The following SOX5 variants were observed in gnomAD, a reference collection of about 807,000 sequenced individuals.
SOX5 encodes the protein transcription factor SOX-5.
SOX5 carries 9 observed loss-of-function variants against 92.0 expected under a neutral mutation model. The observed-to-expected ratio is 0.10, with a 90% confidence interval of 0.06 to 0.17. The LOEUF (loss-of-function observed/expected upper bound fraction) is 0.17, where lower values mean the gene tolerates loss of function less well. Ranked by LOEUF, SOX5 falls within the 10% of genes least tolerant of loss-of-function variation. The pLI is 1.00. For missense variants in SOX5, 642 were observed against 944.5 expected (o/e 0.68, Z 4.20); for synonymous variants, 344 against 336.3 (o/e 1.02, Z -0.25).
At chr12:23,548,931 T>A (rs1192225626) in intron 11 of SOX5, among the ~76,000 whole-genome samples, 1 of 151,968 alleles carries the variant, frequency 6.6e-6, no homozygotes, top group Non-Finnish European at 1.5e-5. Flanking sequence ...CCAAATGTTA[T>A]AAAGCAGAAG....
At chr12:24,471,153 T>A (rs1433760810) in intron 1 of SOX5, among the ~76,000 whole-genome samples, 2 of 152,160 alleles carry the variant, frequency 1.3e-5, no homozygotes, top group Non-Finnish European at 2.9e-5. Flanking sequence ...TTCATAAAGT[T>A]TCTACACATC....
intron 3 of SOX5, among the ~76,000 whole-genome samples, chr12:23,807,883 A>G (rs1438702048): frequency 6.6e-6 from 1 of 151,898 alleles, no homozygotes; most frequent in East Asian, 1.9e-4. Flanking sequence ...CTTGACCTCA[A>G]GTGATCTGCC....
At chr12:23,891,451 A>G (rs1276870239) in intron 2 of SOX5, among the ~76,000 whole-genome samples, 9 of 152,330 alleles carry the variant, frequency 5.9e-5, no homozygotes, top group African/African-American at 2.2e-4. Context: ...GCATTTCTCC[A>G]TAACTTCAAG....
intron 1 of SOX5, among the ~76,000 whole-genome samples, chr12:24,375,126 C>A (rs1339642686): frequency 6.6e-6 from 1 of 152,014 alleles, no homozygotes; most frequent in East Asian, 2.0e-4. Flanking sequence ...GCGCCCGCCA[C>A]TACGCCCAGC....
chr12:24,447,335 A>T (rs1941636531), intron 1 of SOX5, among the ~76,000 whole-genome samples: 2 of 152,210 alleles, frequency 1.3e-5, no homozygotes, highest in African/African-American at 2.4e-5. Flanking sequence ...CAACCCCACA[A>T]GCCCCATCCA....
At chr12:24,545,791 T>C (rs1952568295) in intron 1 of SOX5, among the ~76,000 whole-genome samples, 2 of 152,044 alleles carry the variant, frequency 1.3e-5, no homozygotes, top group African/African-American at 4.8e-5. Flanking sequence ...TAGCTTAGAG[T>C]TGTGGCCCCT....
intron 1 of SOX5, among the ~76,000 whole-genome samples, chr12:24,412,116 C>T (rs1223044316): frequency 1.3e-5 from 2 of 152,092 alleles, no homozygotes; most frequent in African/African-American, 2.4e-5. Flanking sequence ...TGCAGTGATA[C>T]ATCCGTATCG....
At chr12:23,835,093 C>A (rs1007320013) in intron 3 of SOX5, among the ~76,000 whole-genome samples, 5 of 151,802 alleles carry the variant, frequency 3.3e-5, no homozygotes, top group African/African-American at 1.2e-4. Flanking sequence ...ACATTTATGA[C>A]CACTGCTGGA....
chr12:24,029,948 C>G (rs2136828349), intron 4 of SOX5, among the ~76,000 whole-genome samples: 1 of 152,076 alleles, frequency 6.6e-6, no homozygotes, highest in Non-Finnish European at 1.5e-5. Flanking sequence ...GTGCCAGGCT[C>G]AGTTCTCACT....
At chr12:23,622,800 CAG>C (rs1376540451) in intron 8 of SOX5, among the ~76,000 whole-genome samples, 1 of 152,020 alleles carries the variant, frequency 6.6e-6, no homozygotes, top group Non-Finnish European at 1.5e-5. Flanking sequence ...GACAGAAAAT[CAG>C]AGATATGGTA....
intron 4 of SOX5, among the ~76,000 whole-genome samples, chr12:24,114,430 A>G (rs1187514190): frequency 2.0e-5 from 3 of 151,586 alleles, no homozygotes; most frequent in Non-Finnish European, 4.4e-5. Flanking sequence ...TACAAAAATT[A>G]GCTGAGTGTG....
At chr12:24,091,947 A>G (rs1944708368) in intron 4 of SOX5, among the ~76,000 whole-genome samples, 1 of 152,122 alleles carries the variant, frequency 6.6e-6, no homozygotes, top group Non-Finnish European at 1.5e-5. Context: ...AACTCTTTCC[A>G]AGACATGGCT....
intron 1 of SOX5, among the ~76,000 whole-genome samples, chr12:24,463,847 T>C (rs531700240): frequency 6.6e-6 from 1 of 152,330 alleles, no homozygotes; most frequent in Non-Finnish European, 1.5e-5. Context: ...ACATCTATAC[T>C]CTTGAGCTAT....
At chr12:24,048,938 G>A (rs1194041695) in intron 4 of SOX5, among the ~76,000 whole-genome samples, 1 of 152,080 alleles carries the variant, frequency 6.6e-6, no homozygotes, top group Non-Finnish European at 1.5e-5. Context: ...AGCTTTGATT[G>A]TGGTGATGTT....
At chr12:24,103,481 A>G (rs529439985) in intron 4 of SOX5, among the ~76,000 whole-genome samples, 46 of 152,176 alleles carry the variant, frequency 3.0e-4, no homozygotes, top group African/African-American at 9.9e-4. Context: ...CAGCCTCCCA[A>G]GTAGCTAGGA....
chr12:23,969,996 C>T (rs193056255), intron 4 of SOX5, among the ~76,000 whole-genome samples: 100 of 152,304 alleles, frequency 6.6e-4, no homozygotes, highest in Middle Eastern at 6.8e-3. Context: ...GCCAACTGTC[C>T]CCTGCCCCAG....
At position 23,863,791 on chromosome 12, in the gene SOX5, A is replaced by G. The variant is rs1439201339; in HGVS notation, c.271-17598T>C. ...AACTCCTAAATAACATTTTAAACACACTACACACACACACACACACACACA... is the reference window on the plus strand; with the variant it reads ...AACTCCTAAATAACATTTTAAACACGCTACACACACACACACACACACACA... On this transcript the variant is annotated intron_variant, in intron 2 of 14. Transcript: ENST00000451604. 2.2e-5 allele frequency among the ~76,000 whole-genome samples: 3 copies of G among 135,060 alleles called. No homozygotes were observed. In the East Asian group the frequency reaches 6.4e-4, roughly 29 times the overall value. The allele number at this position is 135,060 out of a possible 152,430, so 88.6% of individuals were successfully genotyped here. A position where few individuals can be genotyped will look rare whatever the true frequency, so the allele number is the denominator to read the frequency against.
At chr12:24,042,133 A>T (rs939943217) in intron 4 of SOX5, among the ~76,000 whole-genome samples, 13 of 152,116 alleles carry the variant, frequency 8.5e-5, no homozygotes, top group Non-Finnish European at 1.8e-4. Flanking sequence ...TATTGTGAAG[A>T]AAAGTTAGTG....
intron 2 of SOX5, among the ~76,000 whole-genome samples, chr12:24,339,975 G>C (rs1266500389): frequency 6.6e-6 from 1 of 152,204 alleles, no homozygotes; most frequent in African/African-American, 2.4e-5. Context: ...ATGGGGCAGG[G>C]TGCTAGCATG....
Sources: allele counts gnomAD v4.1 joint callset (sites outside exome capture counted in the v4.1 genomes callset), GRCh38; gene constraint gnomAD v4.1.1; transcripts MANE v1.5; gene names NCBI Gene and HGNC (gene_info 2026-07-23, HGNC 2026-07-21).